The following CPLANE1 variants were observed in gnomAD, a reference collection of about 807,000 sequenced individuals.
CPLANE1 encodes ciliogenesis and planar polarity effector 1.
A neutral mutation model predicts 362.5 loss-of-function variants in CPLANE1; 263 were observed. The observed-to-expected ratio is 0.73, with a 90% CI of 0.66 to 0.80. CPLANE1 has a LOEUF of 0.80. Among genes scored for constraint, CPLANE1 ranks in the 30% least tolerant of loss-of-function variants. The pLI is 0.00. For missense variants in CPLANE1, 3,461 were observed against 3,793.4 expected, an observed-to-expected ratio of 0.91 and a Z score of 2.30; for synonymous variants, 1,212 against 1,302.6, an observed-to-expected ratio of 0.93 and a Z score of 1.50.
At position 37,239,954 on chromosome 5, in the gene CPLANE1, C is replaced by A. The variant is rs1295499818; in HGVS notation, c.678-85G>T. ...AGTTCATTACAAAAATTAAAGGATC[C>A]ATCCAAATTCCTACATGTGCACATG... On this transcript the variant is annotated intron_variant, in intron 6 of 52. Coordinates refer to ENST00000651892, the MANE Select transcript of CPLANE1 (RefSeq NM_001384732.1). The A allele has an allele frequency of 4.2e-6, 4 of 960,078 alleles. No homozygotes were observed. The East Asian group carries it at 8.4e-5, about 20-fold the overall frequency. 59.5% of individuals were successfully genotyped at this position (960,078 alleles called of 1,614,324 possible).
chr5:37,131,809 C>T (rs1371845636), intron 46 of CPLANE1, among the ~76,000 whole-genome samples: 1 of 151,952 alleles, frequency 6.6e-6, no homozygotes, highest in African/African-American at 2.4e-5. Flanking sequence ...GGATTATAGG[C>T]GTGAGCCACC....
chr5:37,117,537 A>T (rs1248466460), intron 50 of CPLANE1, among the ~76,000 whole-genome samples: 1 of 152,184 alleles, frequency 6.6e-6, no homozygotes, highest in Non-Finnish European at 1.5e-5. Context: ...AAGAATTACA[A>T]TTAGGAATGT....
intron 21 of CPLANE1, among the ~76,000 whole-genome samples, chr5:37,194,879 G>A (rs546353844): frequency 2.4e-4 from 37 of 151,560 alleles, no homozygotes; most frequent in Admixed American, 1.3e-3. Flanking sequence ...CTGGCCAGGC[G>A]CGGTGGCTCA....
rs746168055 is a variant in CPLANE1 at position 37,224,139 on chromosome 5, C to T, written c.2581+114G>A. 9 of 644,032 alleles carry T rather than the reference C, an allele frequency of 1.4e-5. No homozygotes were observed. In the South Asian group the frequency reaches 1.8e-4, roughly 13 times the overall value. 39.9% of individuals were successfully genotyped at this position (644,032 alleles called of 1,614,324 possible). On this transcript the variant is annotated intron_variant, in intron 14 of 52. Coordinates refer to ENST00000651892, the MANE Select transcript of CPLANE1 (RefSeq NM_001384732.1). ...AGGTCTATGGCAAGCTAAAAGATGT[C>T]CTGCTAATATAATGGCACATATTTT...
intron 44 of CPLANE1, chr5:37,141,746 A>G (rs557524071): frequency 1.0e-6 from 1 of 982,592 alleles, no homozygotes; most frequent in East Asian, 1.1e-4. Context: ...TATTCATAGG[A>G]CAAAGTATAT....
intron 49 of CPLANE1, 70 bp from the exon 50 acceptor site, chr5:37,120,410 AAAGCCCAAATTAAGCTGGGCAC>A (rs1762307347): frequency 7.1e-7 from 1 of 1,403,164 alleles, no homozygotes; most frequent in Non-Finnish European, 9.6e-7. Flanking sequence ...AACATTTCAA[AAAGCCCAAATTAAGCTGGGCAC>A]AGTAGTGCAA....
In CPLANE1 at chr5:37,154,054, G is replaced by T. The variant is rs1229160268; in HGVS notation, c.8120-61C>A. On this transcript the variant is annotated intron_variant, in intron 41 of 52. Coordinates refer to ENST00000651892, the MANE Select transcript of CPLANE1 (RefSeq NM_001384732.1). The stretch of plus-strand genomic sequence containing the variant: ...TAATTAAAGAAGAGGTATTATTGAT[G>T]ATCTCATTTTTTGATGACTTCATTT... The T allele has an allele frequency of 9.8e-6, 14 of 1,430,344 alleles. No individual in the cohort carries two copies. In the Admixed American group the frequency reaches 1.4e-4, roughly 14 times the overall value. The allele number at this position is 1,430,344 out of a possible 1,614,324, so 88.6% of individuals were successfully genotyped here.
intron 5 of CPLANE1, among the ~76,000 whole-genome samples, chr5:37,243,652 T>TATATATAATATATAAAAAATATATATAC: frequency 6.8e-6 from 1 of 147,328 alleles, no homozygotes; most frequent in Admixed American, 6.9e-5. Context: ...GCTCTCTCTC[T>TATATATAATATATAAAAAATATATATAC]ATATATAATA....
chr5:37,240,374 G>C (rs144166243), intron 6 of CPLANE1, among the ~76,000 whole-genome samples: 178 of 152,150 alleles, frequency 1.2e-3, no homozygotes, highest in African/African-American at 4.2e-3. Context: ...AAGAAAGAAA[G>C]AGAAGGGGTT....
At chr5:37,235,567 C>CTTT (rs546612161) in intron 8 of CPLANE1, among the ~76,000 whole-genome samples, 44 of 93,346 alleles carry the variant, frequency 4.7e-4, no homozygotes, top group Admixed American at 6.6e-4. Context: ...TATCTAATTT[C>CTTT]TTTTTTTTTT....
At chr5:37,168,730 T>C in intron 34 of CPLANE1, 61 bp downstream of exon 34, 1 of 1,387,952 alleles carries the variant, frequency 7.2e-7, no homozygotes, top group Non-Finnish European at 1.0e-6. Context: ...ATACAGTACT[T>C]ATGGTATGAA....
At chr5:37,238,004 C>T (rs1484713274) in intron 8 of CPLANE1, among the ~76,000 whole-genome samples, 1 of 152,168 alleles carries the variant, frequency 6.6e-6, no homozygotes, top group African/African-American at 2.4e-5. Context: ...TATAGCAAGA[C>T]CCTGTCTCTA....
Position 37,186,009 on chromosome 5 carries a change from A to G in CPLANE1, c.4189+277T>C, listed in dbSNP as rs560645225. Among the ~76,000 whole-genome samples, 12 of 152,328 alleles carry G rather than the reference A, an allele frequency of 7.9e-5. No individual in the cohort carries two copies. The South Asian group carries it at 1.9e-3, about 24-fold the overall frequency. On this transcript the variant is annotated intron_variant, in intron 24 of 52. Coordinates refer to ENST00000651892, the MANE Select transcript of CPLANE1 (RefSeq NM_001384732.1). Reference sequence around the variant, plus strand: ...GCAGGTAATACTATGCCCACTTTACAAATAAAGATATGAGGCTCAGAGAGA... The same window carrying G: ...GCAGGTAATACTATGCCCACTTTACGAATAAAGATATGAGGCTCAGAGAGA...
At position 37,169,018 on chromosome 5, in the gene CPLANE1, T is replaced by C; in HGVS notation, c.7006A>G (p.Ile2336Val). 1.2e-6 allele frequency: 2 copies of C among 1,614,128 alleles called. No individual in the cohort carries two copies. Among genetic ancestry groups the C allele is most frequent in the Non-Finnish European group, 1.7e-6 (2 of 1,180,004 alleles). The change falls in exon 34 of 53, where the codon ATA becomes GTA. Residue 2336 changes from isoleucine to valine, a missense_variant. Physicochemically the swap from Ile to Val is conservative, Grantham distance 29. Around this residue, in one of 2 missense-constraint regions of CPLANE1, gnomAD observed 3,380 missense variants for 3,666.1 expected, o/e 0.92. Transcript: ENST00000651892. ...ACATCAAATAGTTTTTCTGGTTTTA[T>C]AAACACTGAAGAGTCCTGTTGAGGT... is the stretch of plus-strand genomic sequence containing the variant. Reference protein sequence around the residue: ...LTPQQDSSVFIKPEKLFDVKP... With the variant: ...LTPQQDSSVFVKPEKLFDVKP...
chr5:37,084,793 TA>T, the CPLANE1 span, among the ~76,000 whole-genome samples: 1,218 of 144,594 alleles, frequency 8.4e-3, 13 homozygotes, highest in African/African-American at 0.029. Flanking sequence ...TCTTTTTTTT[TA>T]AAAAAAAAAA....
At position 37,169,248 on chromosome 5, in the gene CPLANE1, T is replaced by C; in HGVS notation, c.6776A>G (p.Glu2259Gly). The C allele has an allele frequency of 1.2e-6, 2 of 1,614,202 alleles. No homozygotes were observed. The highest frequency in any genetic ancestry group is 1.7e-6 in the Non-Finnish European group (2 of 1,180,030). The change falls in exon 34 of 53, where the codon GAG (glutamate) becomes GGG (glycine). Residue 2259 changes from glutamate (E) to glycine (G), a missense_variant. Glu to Gly is a moderately conservative substitution (Grantham distance 98). Transcript: ENST00000651892. ...GAAGGAGTCAGATAATCCCCAAGCC[T>C]CTCTTGGTTGTGGCAAAGGCCTGAA... ...VPFRPLPQPR[E>G]AWGLSDSFQP...
chr5:37,147,483 T>C (rs1415132671), intron 43 of CPLANE1, among the ~76,000 whole-genome samples: 1 of 152,140 alleles, frequency 6.6e-6, no homozygotes, highest in African/African-American at 2.4e-5. Context: ...CATTCTTGTC[T>C]AGGTCCATGC....
intron 46 of CPLANE1, among the ~76,000 whole-genome samples, chr5:37,133,762 C>T (rs922800599): frequency 2.0e-5 from 3 of 151,980 alleles, no homozygotes; most frequent in Non-Finnish European, 2.9e-5. Context: ...GGATGCCTTA[C>T]GTTTATTTCT....
chr5:37,104,313 C>T (rs1757438800), downstream of CPLANE1, among the ~76,000 whole-genome samples: 1 of 152,096 alleles, frequency 6.6e-6, no homozygotes, highest in Admixed American at 6.6e-5. Context: ...TAACTATGCT[C>T]CAGGATAGGC....
Sources: allele counts gnomAD v4.1 joint callset (sites outside exome capture counted in the v4.1 genomes callset), GRCh38; gene constraint gnomAD v4.1.1; regional missense constraint gnomAD v4.1.1; transcripts MANE v1.5; gene names NCBI Gene and HGNC (gene_info 2026-07-23, HGNC 2026-07-21).